Variants in HS2ST1 observed in about 807,000 individuals in gnomAD.
HS2ST1 encodes the protein heparan sulfate 2-O-sulfotransferase 1.
HS2ST1 carries 18 observed loss-of-function variants against 42.9 expected under a neutral mutation model. The observed-to-expected ratio is 0.42, with a 90% CI of 0.29 to 0.62. HS2ST1 has a LOEUF of 0.62. HS2ST1 is among the 20% of genes least tolerant of loss of function. The probability of loss-of-function intolerance (pLI) is 0.21; values close to 1 mark genes in which losing one functional copy is unlikely to be tolerated. For synonymous variants in HS2ST1, 146 were observed against 152.9 expected, an observed-to-expected ratio of 0.95 and a Z score of 0.33; for missense variants, 334 against 433.8, an observed-to-expected ratio of 0.77 and a Z score of 2.04.
chr1:86,983,958 T>C (rs1392636859), intron 1 of HS2ST1, among the ~76,000 whole-genome samples: 2 of 151,712 alleles, frequency 1.3e-5, no homozygotes, highest in Non-Finnish European at 2.9e-5. Flanking sequence ...GAGAATTGCT[T>C]GAACCCAGGA....
At chr1:87,003,888 A>C (rs1299487691) in intron 1 of HS2ST1, among the ~76,000 whole-genome samples, 3 of 152,150 alleles carry the variant, frequency 2.0e-5, no homozygotes, top group African/African-American at 7.2e-5. Context: ...ATCTCCTCTG[A>C]AGTTTGGTAT....
intron 1 of HS2ST1, among the ~76,000 whole-genome samples, chr1:87,030,969 T>C (rs987508684): frequency 3.3e-5 from 5 of 152,182 alleles, no homozygotes; most frequent in African/African-American, 9.7e-5. Flanking sequence ...AGATGGAGTC[T>C]TGCTCTGTTG....
intron 1 of HS2ST1, among the ~76,000 whole-genome samples, chr1:87,051,479 T>G (rs1468658754): frequency 6.6e-6 from 1 of 152,196 alleles, no homozygotes; most frequent in Non-Finnish European, 1.5e-5. Context: ...ATATAGGGTA[T>G]GTAAAGATCA....
Position 87,084,186 on chromosome 1 carries a change from C to T in HS2ST1, c.364-8C>T, listed in dbSNP as rs191652191. On this transcript the variant is annotated splice_region_variant and splice_polypyrimidine_tract_variant and intron_variant, in intron 2 of 6. Transcript: ENST00000370550. ...ATTGTATATAATGAATGTGTTCTCC[C>T]TTTTTAGGTGCGCTTTGTAAAGAAT... 16,633 of 1,554,762 alleles carry T rather than the reference C, an allele frequency of 0.011. 116 individuals carry two copies. The highest frequency in any genetic ancestry group is 0.014 in the Middle Eastern group (80 of 5,824).
rs1453784931 is a variant in HS2ST1 at position 87,019,751 on chromosome 1, C to A, written c.125-53183C>A. On this transcript the variant is annotated intron_variant, in intron 1 of 6. Transcript: ENST00000370550. ...ATGTGATAGAAATATCCTATTATAG[C>A]AGATAGAATTTTAAATGATCATTGT... 2.0e-5 allele frequency among the ~76,000 whole-genome samples: 3 copies of A among 152,150 alleles called. No homozygotes were observed. In the East Asian group the frequency reaches 5.8e-4, roughly 29 times the overall value.
At chr1:87,011,498 C>G (rs943642679) in intron 1 of HS2ST1, among the ~76,000 whole-genome samples, 2 of 152,098 alleles carry the variant, frequency 1.3e-5, no homozygotes, top group Non-Finnish European at 2.9e-5. Context: ...GAGCCTCAGC[C>G]TCCCAAAGTG....
At chr1:87,103,958 A>T (rs1157809036) in intron 6 of HS2ST1, among the ~76,000 whole-genome samples, 1 of 152,128 alleles carries the variant, frequency 6.6e-6, no homozygotes, top group Non-Finnish European at 1.5e-5. Context: ...CCTCAGCCGT[A>T]TTATCATGTG....
intron 1 of HS2ST1, among the ~76,000 whole-genome samples, chr1:87,009,210 T>A (rs761032674): frequency 6.6e-6 from 1 of 152,240 alleles, no homozygotes; most frequent in Admixed American, 6.5e-5. Context: ...ACCTCTGTTA[T>A]GTACAATGTG....
chr1:87,081,429 C>A (rs1481622326), intron 2 of HS2ST1, among the ~76,000 whole-genome samples: 1 of 152,166 alleles, frequency 6.6e-6, no homozygotes, highest in African/African-American at 2.4e-5. Context: ...AAACAACGTG[C>A]TCCTGAGTGA....
At chr1:86,960,927 A>G (rs1240488486) in intron 1 of HS2ST1, among the ~76,000 whole-genome samples, 1 of 152,180 alleles carries the variant, frequency 6.6e-6, no homozygotes, top group East Asian at 1.9e-4. Context: ...TGTTTATCCA[A>G]ATGAACTGAA....
In HS2ST1 at chr1:87,105,008, AG is replaced by A. The variant is rs1652300017; in HGVS notation, c.*314del. The stretch of plus-strand genomic sequence containing the variant: ...AAAAGGCTAAATACAATTTCAGAAA[AG>A]GTTCTGATACTCTTGTTTTTGATAA... On this transcript the variant is annotated 3_prime_UTR_variant, in exon 7 of 7. Coordinates refer to ENST00000370550, the MANE Select transcript of HS2ST1 (RefSeq NM_012262.4). 4.0e-6 allele frequency: 1 copy of A among 252,048 alleles called. No individual in the cohort carries two copies. Among genetic ancestry groups the A allele is most frequent in the Non-Finnish European group, 7.6e-6 (1 of 130,962 alleles). 15.6% of individuals were successfully genotyped at this position (252,048 alleles called of 1,614,324 possible). A position where few individuals can be genotyped will look rare whatever the true frequency, so the allele number is the denominator to read the frequency against.
intron 5 of HS2ST1, among the ~76,000 whole-genome samples, chr1:87,101,408 C>T (rs1778007): frequency 0.7 from 105,436 of 151,540 alleles, 38,922 homozygotes; most frequent in East Asian, 0.97. Flanking sequence ...TCAGGTAATC[C>T]GCCTGTCTCG....
intron 1 of HS2ST1, among the ~76,000 whole-genome samples, chr1:86,997,712 C>A (rs1297011466): frequency 2.0e-5 from 3 of 152,114 alleles, no homozygotes; most frequent in African/African-American, 7.2e-5. Context: ...GTACTGAACT[C>A]TATGTGCAGT....
chr1:86,968,002 G>T (rs1648097835), intron 1 of HS2ST1, among the ~76,000 whole-genome samples: 1 of 152,174 alleles, frequency 6.6e-6, no homozygotes, highest in Non-Finnish European at 1.5e-5. Context: ...CAGGAATAAG[G>T]TGATATCTCA....
In HS2ST1 at chr1:87,048,165, G is replaced by A. The variant is rs141802661; in HGVS notation, c.125-24769G>A. ...ATTGCAAATTTATTTATATTTTTGT[G>A]CTATTTTACATGGTATTTTTTATGT... is the stretch of plus-strand genomic sequence containing the variant. On this transcript the variant is annotated intron_variant, in intron 1 of 6. Coordinates refer to ENST00000370550, the MANE Select transcript of HS2ST1 (RefSeq NM_012262.4). 5.3e-3 allele frequency among the ~76,000 whole-genome samples: 805 copies of A among 152,088 alleles called. 10 individuals carry two copies. The highest frequency in any genetic ancestry group is 0.018 in the African/African-American group (763 of 41,488).
intron 1 of HS2ST1, among the ~76,000 whole-genome samples, chr1:86,973,403 G>A (rs1361882217): frequency 6.6e-6 from 1 of 151,972 alleles, no homozygotes; most frequent in Non-Finnish European, 1.5e-5. Context: ...TGTAAATCTT[G>A]TAGTATCACC....
Position 87,098,375 on chromosome 1 carries a change from G to A in HS2ST1, c.686+440G>A, listed in dbSNP as rs1470151837. 3 of 956,922 alleles carry A rather than the reference G, an allele frequency of 3.1e-6. No homozygotes were observed. The African/African-American group carries it at 5.3e-5, about 17-fold the overall frequency. 59.3% of individuals were successfully genotyped at this position (956,922 alleles called of 1,614,324 possible). A position where few individuals can be genotyped will look rare whatever the true frequency, so the allele number is the denominator to read the frequency against. On this transcript the variant is annotated intron_variant, in intron 5 of 6. Coordinates refer to ENST00000370550, the MANE Select transcript of HS2ST1 (RefSeq NM_012262.4). Reference sequence around the variant, plus strand: ...TTTAAGAGAAGCCAAGGTTATGGCTGTGGTTTAGTTTGCTAGTAAATATCA... The same window carrying A: ...TTTAAGAGAAGCCAAGGTTATGGCTATGGTTTAGTTTGCTAGTAAATATCA...
At chr1:86,958,713 G>A (rs1647742175) in intron 1 of HS2ST1, among the ~76,000 whole-genome samples, 2 of 152,062 alleles carry the variant, frequency 1.3e-5, no homozygotes, top group African/African-American at 4.8e-5. Flanking sequence ...TAGAAACAGG[G>A]GGAATACTTC....
chr1:86,970,552 CA>C (rs1022021260), intron 1 of HS2ST1, among the ~76,000 whole-genome samples: 4 of 152,054 alleles, frequency 2.6e-5, no homozygotes, highest in Admixed American at 2.6e-4. Context: ...AGGCGTGCAC[CA>C]CCATGCTTGG....
Sources: allele counts gnomAD v4.1 joint callset (sites outside exome capture counted in the v4.1 genomes callset), GRCh38; gene constraint gnomAD v4.1.1; transcripts MANE v1.5; gene names NCBI Gene and HGNC (gene_info 2026-07-23, HGNC 2026-07-21).